Variants in SPEF2 observed in about 807,000 individuals in gnomAD.
SPEF2 encodes the protein sperm flagellar and cilia associated 2, also known as sperm flagella and cilia-associated protein 2.
Under a neutral mutation model 224.6 loss-of-function variants are expected in SPEF2, and 187 were observed. The ratio of observed to expected loss-of-function variants is 0.83; its 90% CI spans 0.74 to 0.94. The LOEUF (loss-of-function observed/expected upper bound fraction) is 0.94. Among genes scored for constraint, SPEF2 ranks in the 40% least tolerant of loss-of-function variants. SPEF2 has a pLI of 0.00. For missense variants in SPEF2, 2,170 were observed against 2,135.6 expected (o/e 1.02, Z -0.32); for synonymous variants, 715 against 707.3 (o/e 1.01, Z -0.17).
chr5:35,652,761 T>C (rs1042982496), intron 6 of SPEF2, among the ~76,000 whole-genome samples: 1 of 152,210 alleles, frequency 6.6e-6, no homozygotes, highest in Non-Finnish European at 1.5e-5. Context: ...ATATGGTCTA[T>C]ATTATAAATA....
chr5:35,715,816 C>CCTTTTTTTTTTTTTTTTT lies in SPEF2; in HGVS notation c.2914+2930_2914+2931insCTTTTTTTTTTTTTTTTT, dbSNP rs70973054. ...TCTGTGAAATAGGGGGATATAATTTCTTTTTTTTTTTTTTTTTGAGACAGA... is the reference window on the plus strand; with the variant it reads ...TCTGTGAAATAGGGGGATATAATTTCCTTTTTTTTTTTTTTTTTTTTTTTTTTTTTTTTTTGAGACAGA... On this transcript the variant is annotated intron_variant, in intron 20 of 36. Coordinates refer to ENST00000356031, the MANE Select transcript of SPEF2 (RefSeq NM_024867.4). Among the ~76,000 whole-genome samples the CCTTTTTTTTTTTTTTTTT allele has an allele frequency of 1.7e-5, 2 of 117,936 alleles. 1 individual carries two copies. The highest frequency in any genetic ancestry group is 6.4e-5 in the African/African-American group (2 of 31,360). The allele number at this position is 117,936 out of a possible 152,430, so 77.4% of individuals were successfully genotyped here. A position where few individuals can be genotyped will look rare whatever the true frequency, so the allele number is the denominator to read the frequency against.
At chr5:35,771,576 A>T in intron 26 of SPEF2, 33 bp from the exon 27 acceptor site, 1 of 1,580,430 alleles carries the variant, frequency 6.3e-7, no homozygotes, top group Non-Finnish European at 8.5e-7. Flanking sequence ...TGTAAATGAG[A>T]CATTAACTGA....
chr5:35,655,165 T>G (rs552356002), intron 7 of SPEF2, among the ~76,000 whole-genome samples: 1 of 152,266 alleles, frequency 6.6e-6, no homozygotes, highest in Non-Finnish European at 1.5e-5. Context: ...TTAAGCATGG[T>G]TCCTGGACGA....
intron 23 of SPEF2, among the ~76,000 whole-genome samples, chr5:35,743,438 C>T (rs907445936): frequency 6.6e-6 from 1 of 152,154 alleles, no homozygotes; most frequent in East Asian, 1.9e-4. Context: ...AAACAACATA[C>T]AAAATTTCTA....
chr5:35,799,904 G>GT, intron 33 of SPEF2, 64 bp from the exon 34 acceptor site: 1 of 1,565,368 alleles, frequency 6.4e-7, no homozygotes, highest in South Asian at 1.2e-5. Context: ...ATTCTTCATT[G>GT]CATGACTAAC....
At chr5:35,664,919 T>C (rs1242662043) in intron 8 of SPEF2, among the ~76,000 whole-genome samples, 1 of 152,196 alleles carries the variant, frequency 6.6e-6, no homozygotes, top group Non-Finnish European at 1.5e-5. Context: ...TGTTTTTAGA[T>C]TAAATCTGCT....
At chr5:35,727,931 T>C in intron 21 of SPEF2, 108 bp downstream of exon 21, 2 of 1,173,962 alleles carry the variant, frequency 1.7e-6, no homozygotes, top group Admixed American at 2.7e-5. Context: ...GCAGGTAATA[T>C]ATATCTATCC....
chr5:35,788,507 G>A, intron 30 of SPEF2: 1 of 702,664 alleles, frequency 1.4e-6, no homozygotes, highest in Non-Finnish European at 2.6e-6. Context: ...ACTTGTCTAT[G>A]TGCAGTTTGC....
chr5:35,656,778 A>G (rs1749014003), intron 7 of SPEF2, among the ~76,000 whole-genome samples: 1 of 152,242 alleles, frequency 6.6e-6, no homozygotes, highest in African/African-American at 2.4e-5. Flanking sequence ...CCAGCAACCT[A>G]AGGGGCCTAA....
At chr5:35,789,145 A>G (rs773895494) in intron 30 of SPEF2, 8 of 702,796 alleles carry the variant, frequency 1.1e-5, no homozygotes, top group Non-Finnish European at 1.8e-5. Context: ...GTTGTTCCCA[A>G]CCTGTGTTAC....
intron 10 of SPEF2, 121 bp from the exon 11 acceptor site, chr5:35,690,912 ATAAT>A (rs1361820710): frequency 7.9e-6 from 5 of 635,154 alleles, no homozygotes; most frequent in African/African-American, 5.6e-5. Context: ...TTTTTATAAT[ATAAT>A]TAAAGTATTC....
rs193183260 is a variant in SPEF2, at chr5:35,795,810, C to A, written c.4830+15C>A. On this transcript the variant is annotated intron_variant, in intron 33 of 36. Transcript: ENST00000356031. ...ATCTTATAGAGGTAATGACTGAGATCTTTAAAACATGTGGCATTATAGCAC... is the reference window on the plus strand; with the variant it reads ...ATCTTATAGAGGTAATGACTGAGATATTTAAAACATGTGGCATTATAGCAC... The A allele has an allele frequency of 2.5e-6, 4 of 1,583,914 alleles. No individual in the cohort carries two copies. In the South Asian group the frequency reaches 4.5e-5, roughly 18 times the overall value.
intron 4 of SPEF2, among the ~76,000 whole-genome samples, chr5:35,645,724 T>A (rs576326547): frequency 6.6e-6 from 1 of 152,138 alleles, no homozygotes; most frequent in African/African-American, 2.4e-5. Context: ...AAAGGAAATA[T>A]GATACCATTA....
chr5:35,661,317 A>G (rs1178943738), intron 8 of SPEF2, among the ~76,000 whole-genome samples: 121 of 141,302 alleles, frequency 8.6e-4, no homozygotes, highest in African/African-American at 3.1e-3. Flanking sequence ...ACATATATAC[A>G]CATATACCAA....
chr5:35,738,618 A>T (rs1446903505), intron 21 of SPEF2, among the ~76,000 whole-genome samples: 2 of 150,032 alleles, frequency 1.3e-5, no homozygotes, highest in Non-Finnish European at 3.0e-5. Context: ...GTCTGCCGCT[A>T]ATCTGGGCAC....
chr5:35,692,237 C>T (rs1001550357), intron 11 of SPEF2, among the ~76,000 whole-genome samples: 1 of 152,030 alleles, frequency 6.6e-6, no homozygotes. Flanking sequence ...ATGGTGAAAC[C>T]CCATCTCTAC....
At chr5:35,801,363 A>G (rs1757396716) in intron 34 of SPEF2, among the ~76,000 whole-genome samples, 1 of 152,122 alleles carries the variant, frequency 6.6e-6, no homozygotes, top group Middle Eastern at 3.2e-3. Context: ...TGAAAATACA[A>G]TTAGTTGGAT....
In SPEF2 at chr5:35,691,090, C is replaced by A. The variant is rs1332210305; in HGVS notation, c.1578C>A (p.Pro526=). 1.2e-6 allele frequency: 2 copies of A among 1,613,922 alleles called. No individual in the cohort carries two copies. The highest frequency in any genetic ancestry group is 8.5e-7 in the Non-Finnish European group (1 of 1,180,000). The change falls in exon 11 of 37, where the codon CCC becomes CCA. Residue 526 remains proline (P), a synonymous_variant. Coordinates refer to ENST00000356031, the MANE Select transcript of SPEF2 (RefSeq NM_024867.4). ...LPEEMVDNLP[P]SNNCILGHIL... is the part of the protein sequence containing the mutation. ...AAGAAATGGTTGACAATTTACCACC[C>A]TCCAACAATTGCATACTGGGCCATA...
At chr5:35,751,584 C>T (rs1373375595) in intron 23 of SPEF2, among the ~76,000 whole-genome samples, 1 of 151,976 alleles carries the variant, frequency 6.6e-6, no homozygotes, top group Non-Finnish European at 1.5e-5. Flanking sequence ...TCAAGATCAG[C>T]TCTAAAATAA....
Sources: allele counts gnomAD v4.1 joint callset (sites outside exome capture counted in the v4.1 genomes callset), GRCh38; gene constraint gnomAD v4.1.1; transcripts MANE v1.5; gene names NCBI Gene and HGNC (gene_info 2026-07-23, HGNC 2026-07-21).